Variants in CACNA2D1 observed in about 807,000 individuals in gnomAD.
CACNA2D1 encodes voltage-dependent calcium channel subunit alpha-2/delta-1.
A neutral mutation model predicts 171.5 loss-of-function variants in CACNA2D1; 53 were observed. That is an observed-to-expected ratio of 0.31 (90% CI 0.25 to 0.39). The LOEUF (loss-of-function observed/expected upper bound fraction) is 0.39. Ranked by LOEUF, CACNA2D1 falls within the 10% of genes least tolerant of loss-of-function variation. The pLI is 1.00. For missense variants in CACNA2D1, 903 were observed against 1,299.8 expected (o/e 0.69, Z 4.69); for synonymous variants, 442 against 443.1 (o/e 1.00, Z 0.03).
intron 3 of CACNA2D1, among the ~76,000 whole-genome samples, chr7:82,273,556 T>C (rs141171814): frequency 3.8e-4 from 58 of 152,262 alleles, no homozygotes; most frequent in African/African-American, 1.4e-3. Flanking sequence ...GATGTGATCA[T>C]AGCACACTGA....
chr7:82,105,147 A>C (rs2129041077), intron 6 of CACNA2D1, among the ~76,000 whole-genome samples: 1 of 152,220 alleles, frequency 6.6e-6, no homozygotes, highest in East Asian at 1.9e-4. Context: ...GGTAATTTCA[A>C]AAGAGAATTG....
chr7:82,315,481 CA>C (rs1217780514), intron 3 of CACNA2D1, among the ~76,000 whole-genome samples: 1 of 151,964 alleles, frequency 6.6e-6, no homozygotes, highest in East Asian at 1.9e-4. Context: ...AAGTAAACAT[CA>C]ATGGATTGAA....
intron 1 of CACNA2D1, among the ~76,000 whole-genome samples, chr7:82,363,854 G>T (rs1338228056): frequency 1.3e-5 from 2 of 152,152 alleles, no homozygotes; most frequent in Admixed American, 1.3e-4. Context: ...TCAGACTATA[G>T]ATCTAAGGAG....
intron 2 of CACNA2D1, among the ~76,000 whole-genome samples, chr7:82,336,737 T>C (rs76077949): frequency 8.9e-4 from 136 of 152,342 alleles, no homozygotes; most frequent in African/African-American, 3.1e-3. Flanking sequence ...TTTAGGAACA[T>C]TGATTAATTG....
chr7:82,339,166 G>C (rs1250282000), intron 2 of CACNA2D1, among the ~76,000 whole-genome samples: 60 of 152,188 alleles, frequency 3.9e-4, no homozygotes, highest in Admixed American at 3.9e-3. Context: ...TAAATCCTTA[G>C]TTGACCACAA....
At chr7:82,233,675 C>CT (rs1180532116) in intron 3 of CACNA2D1, among the ~76,000 whole-genome samples, 5 of 151,304 alleles carry the variant, frequency 3.3e-5, no homozygotes, top group Non-Finnish European at 7.4e-5. Context: ...TATACAGGAC[C>CT]TTTTTTTTTC....
intron 6 of CACNA2D1, among the ~76,000 whole-genome samples, chr7:82,094,487 G>A (rs1013088358): frequency 6.6e-6 from 1 of 152,116 alleles, no homozygotes; most frequent in Non-Finnish European, 1.5e-5. Context: ...AATATTGTTA[G>A]TATTCAGGAT....
At chr7:82,128,192 A>T in intron 5 of CACNA2D1, among the ~76,000 whole-genome samples, 1 of 151,982 alleles carries the variant, frequency 6.6e-6, no homozygotes, top group Admixed American at 6.6e-5. Context: ...AGCCTCCTGA[A>T]GTGCTGGGAT....
chr7:81,977,473 A>G (rs1228882384), intron 24 of CACNA2D1, among the ~76,000 whole-genome samples: 4 of 152,186 alleles, frequency 2.6e-5, no homozygotes, highest in Admixed American at 2.6e-4. Context: ...CAAACCTGAC[A>G]AAAACAAGCA....
At chr7:82,122,753 C>T (rs1235442159) in intron 5 of CACNA2D1, among the ~76,000 whole-genome samples, 1 of 152,134 alleles carries the variant, frequency 6.6e-6, no homozygotes, top group Non-Finnish European at 1.5e-5. Context: ...ACATAGCACT[C>T]CCCATGGAAA....
intron 38 of CACNA2D1, among the ~76,000 whole-genome samples, chr7:81,952,164 TTTCTGATGGGA>T (rs1342668564): frequency 6.6e-6 from 1 of 151,896 alleles, no homozygotes; most frequent in Non-Finnish European, 1.5e-5. Context: ...TTTTGCCCAC[TTTCTGATGGGA>T]TTATTTGAAA....
chr7:82,413,158 C>T (rs1302715171), intron 1 of CACNA2D1, among the ~76,000 whole-genome samples: 2 of 152,066 alleles, frequency 1.3e-5, no homozygotes, highest in East Asian at 3.9e-4. Context: ...CCAAGTAGTT[C>T]GTAATTGAAC....
chr7:82,218,095 C>T (rs140112813), intron 3 of CACNA2D1, among the ~76,000 whole-genome samples: 5,109 of 151,768 alleles, frequency 0.034, 254 homozygotes, highest in African/African-American at 0.11. Context: ...CCACCACGCC[C>T]GGCTAATCTT....
At chr7:82,114,091 GTTTAT>G (rs1186185264) in intron 6 of CACNA2D1, among the ~76,000 whole-genome samples, 2 of 151,988 alleles carry the variant, frequency 1.3e-5, no homozygotes, top group Non-Finnish European at 2.9e-5. Flanking sequence ...TTTACAAATA[GTTTAT>G]TTTAAATTGG....
rs186010676 is a variant in CACNA2D1 at position 82,351,755 on chromosome 7, T to A, written c.96-2106A>T. ...AACATAGTTGTGCCCCATTTTTATA[T>A]TAAATACAAAAAATTATAGTAGGGT... is the stretch of plus-strand genomic sequence containing the variant. On this transcript the variant is annotated intron_variant, in intron 1 of 38. Transcript: ENST00000356860. Among the ~76,000 whole-genome samples, 1,090 of 152,238 alleles carry A rather than the reference T, an allele frequency of 7.2e-3. 8 individuals carry two copies. The highest frequency in any genetic ancestry group is 0.012 in the Non-Finnish European group (840 of 67,974).
intron 6 of CACNA2D1, among the ~76,000 whole-genome samples, chr7:82,085,219 C>T (rs1330547310): frequency 2.6e-5 from 4 of 152,042 alleles, no homozygotes; most frequent in Admixed American, 6.6e-5. Flanking sequence ...AGGTCTAATC[C>T]TGTGAAAATG....
At chr7:82,171,300 T>C (rs528064112) in intron 3 of CACNA2D1, among the ~76,000 whole-genome samples, 6 of 152,214 alleles carry the variant, frequency 3.9e-5, no homozygotes, top group Admixed American at 3.9e-4. Context: ...AGCCTGCCAA[T>C]CACTTTTTAT....
intron 4 of CACNA2D1, among the ~76,000 whole-genome samples, chr7:82,140,255 A>T (rs952395180): frequency 1.3e-5 from 2 of 152,184 alleles, no homozygotes; most frequent in Non-Finnish European, 2.9e-5. Flanking sequence ...TTAAGAAGAG[A>T]ACGTAGACCT....
At chr7:82,397,465 T>A (rs1035184670) in intron 1 of CACNA2D1, among the ~76,000 whole-genome samples, 1 of 152,224 alleles carries the variant, frequency 6.6e-6, no homozygotes, top group South Asian at 2.1e-4. Flanking sequence ...TTTATGAAAG[T>A]ATTTTTATAT....
Sources: allele counts gnomAD v4.1 joint callset (sites outside exome capture counted in the v4.1 genomes callset), GRCh38; gene constraint gnomAD v4.1.1; transcripts MANE v1.5; gene names NCBI Gene and HGNC (gene_info 2026-07-23, HGNC 2026-07-21).